The following ERBB4 variants were observed in gnomAD, a reference collection of about 807,000 sequenced individuals.
The protein encoded by ERBB4 is erb-b2 receptor tyrosine kinase 4.
ERBB4 carries 42 observed loss-of-function variants against 158.0 expected under a neutral mutation model. The observed-to-expected ratio is 0.27, with a 90% CI of 0.21 to 0.34. The LOEUF is 0.34. Ranked by LOEUF, ERBB4 falls within the 10% of genes least tolerant of loss-of-function variation. The pLI is 1.00. For synonymous variants in ERBB4, 583 were observed against 558.7 expected (o/e 1.04, Z -0.61); for missense variants, 1,333 against 1,624.1 (o/e 0.82, Z 3.08).
intron 1 of ERBB4, among the ~76,000 whole-genome samples, chr2:212,499,812 T>C (rs899283552): frequency 6.6e-6 from 1 of 152,092 alleles, no homozygotes; most frequent in Non-Finnish European, 1.5e-5. Context: ...GGGACACACT[T>C]AATTGGAAAT....
intron 3 of ERBB4, among the ~76,000 whole-genome samples, chr2:211,798,019 A>T (rs573027106): frequency 6.6e-6 from 1 of 152,156 alleles, no homozygotes; most frequent in South Asian, 2.1e-4. Context: ...TAAAATGGAC[A>T]AATTTTAAGC....
intron 1 of ERBB4, among the ~76,000 whole-genome samples, chr2:212,348,887 G>T (rs144343461): frequency 6.6e-6 from 1 of 152,202 alleles, no homozygotes; most frequent in Non-Finnish European, 1.5e-5. Flanking sequence ...CAAAGAAGTA[G>T]GAACTATAAC....
intron 1 of ERBB4, among the ~76,000 whole-genome samples, chr2:212,449,230 A>T (rs1416481848): frequency 6.6e-6 from 1 of 152,158 alleles, no homozygotes; most frequent in Non-Finnish European, 1.5e-5. Flanking sequence ...GTATCTTAGA[A>T]ATGTATTTCC....
intron 12 of ERBB4, among the ~76,000 whole-genome samples, chr2:211,679,661 G>C (rs1182162203): frequency 1.5e-5 from 2 of 130,688 alleles, no homozygotes; most frequent in Admixed American, 8.4e-5. Context: ...GGGGAGAAAG[G>C]AATAGAAATA....
intron 20 of ERBB4, among the ~76,000 whole-genome samples, chr2:211,552,416 TA>T (rs1305480774): frequency 6.6e-6 from 1 of 152,190 alleles, no homozygotes; most frequent in East Asian, 1.9e-4. Flanking sequence ...ATAAATTTTT[TA>T]AAATTTTTTT....
At chr2:212,365,808 T>C (rs187610323) in intron 1 of ERBB4, among the ~76,000 whole-genome samples, 255 of 151,948 alleles carry the variant, frequency 1.7e-3, no homozygotes, top group Middle Eastern at 6.8e-3. Context: ...AGTTCAAATT[T>C]ACAAGGACTC....
At chr2:211,912,270 C>T (rs2079558713) in intron 3 of ERBB4, among the ~76,000 whole-genome samples, 1 of 152,036 alleles carries the variant, frequency 6.6e-6, no homozygotes, top group African/African-American at 2.4e-5. Context: ...TGTTCTGTAC[C>T]TGGAAGACAA....
At chr2:212,461,717 C>A (rs183951253) in intron 1 of ERBB4, among the ~76,000 whole-genome samples, 1 of 151,984 alleles carries the variant, frequency 6.6e-6, no homozygotes, top group Non-Finnish European at 1.5e-5. Flanking sequence ...AAGGGCAGAA[C>A]GATATAGTTT....
At chr2:211,420,999 T>G (rs1396078486) in intron 24 of ERBB4, among the ~76,000 whole-genome samples, 1 of 151,910 alleles carries the variant, frequency 6.6e-6, no homozygotes, top group East Asian at 1.9e-4. Context: ...ATTTGGTTGG[T>G]TTGATGCTGT....
intron 7 of ERBB4, among the ~76,000 whole-genome samples, chr2:211,721,740 A>G (rs1456117381): frequency 6.6e-6 from 1 of 151,820 alleles, no homozygotes; most frequent in Non-Finnish European, 1.5e-5. Context: ...GTAAAAATCC[A>G]TTGTTATTAG....
intron 1 of ERBB4, among the ~76,000 whole-genome samples, chr2:212,289,392 T>G (rs745517405): frequency 6.6e-5 from 10 of 152,188 alleles, no homozygotes; most frequent in Non-Finnish European, 1.3e-4. Flanking sequence ...TTCAGCAGAT[T>G]AGAATGATTC....
intron 25 of ERBB4, among the ~76,000 whole-genome samples, chr2:211,405,486 A>G (rs1574424219): frequency 2.6e-5 from 4 of 152,068 alleles, no homozygotes; most frequent in Admixed American, 2.6e-4. Flanking sequence ...TTCTCCACCT[A>G]TCCCCTATTA....
At position 211,889,240 on chromosome 2, in the gene ERBB4, C is replaced by T. The variant is rs1243112095; in HGVS notation, c.421+58190G>A. Among the ~76,000 whole-genome samples the T allele has an allele frequency of 8.3e-5, 12 of 144,726 alleles. No individual in the cohort carries two copies. In the South Asian group the frequency reaches 8.5e-4, roughly 10 times the overall value. 94.9% of individuals were successfully genotyped at this position (144,726 alleles called of 152,430 possible). ...CTGCCTCCTCAAGTGGGTCCCTGAC[C>T]CCTGACCCCCGAGCAGCCTAACTGG... On this transcript the variant is annotated intron_variant, in intron 3 of 27. Coordinates refer to ENST00000342788, the MANE Select transcript of ERBB4 (RefSeq NM_005235.3).
intron 1 of ERBB4, among the ~76,000 whole-genome samples, chr2:212,344,284 G>A (rs12470836): frequency 0.12 from 18,243 of 152,082 alleles, 1,126 homozygotes; most frequent in Admixed American, 0.15. Flanking sequence ...ATTGTGGAAT[G>A]TTTAGCAGAC....
intron 3 of ERBB4, among the ~76,000 whole-genome samples, chr2:211,815,492 A>G (rs1019845833): frequency 2.6e-5 from 4 of 152,238 alleles, no homozygotes; most frequent in Non-Finnish European, 5.9e-5. Context: ...AAGTTAAGAA[A>G]TGATAACAAA....
intron 1 of ERBB4, among the ~76,000 whole-genome samples, chr2:212,374,442 C>T (rs1461518579): frequency 6.7e-6 from 1 of 149,990 alleles, no homozygotes; most frequent in African/African-American, 2.4e-5. Context: ...CATCTCTTCC[C>T]ATAATTTCTC....
intron 1 of ERBB4, among the ~76,000 whole-genome samples, chr2:212,233,963 TTTA>T (rs60130196): frequency 0.24 from 34,559 of 143,596 alleles, 4,173 homozygotes; most frequent in South Asian, 0.38. Flanking sequence ...CTTTGCATTA[TTTA>T]TTATTATTAT....
chr2:212,256,732 A>T (rs1222010258), intron 1 of ERBB4, among the ~76,000 whole-genome samples: 1 of 152,166 alleles, frequency 6.6e-6, no homozygotes, highest in Non-Finnish European at 1.5e-5. Context: ...CAAGACTCCA[A>T]CCTGGATCTA....
chr2:212,006,742 G>T (rs2076268094), intron 2 of ERBB4, among the ~76,000 whole-genome samples: 1 of 151,982 alleles, frequency 6.6e-6, no homozygotes, highest in Non-Finnish European at 1.5e-5. Context: ...TGGCAAAGCA[G>T]ATACTATCAC....
Sources: allele counts gnomAD v4.1 joint callset (sites outside exome capture counted in the v4.1 genomes callset), GRCh38; gene constraint gnomAD v4.1.1; transcripts MANE v1.5; gene names NCBI Gene and HGNC (gene_info 2026-07-23, HGNC 2026-07-21).